USP6: variants seen among roughly 807,000 people sequenced by gnomAD.
USP6 encodes the protein ubiquitin specific peptidase 6.
Under a neutral mutation model 175.7 loss-of-function variants are expected in USP6, and 128 were observed. The observed-to-expected ratio is 0.73, with a 90% confidence interval of 0.63 to 0.84. The LOEUF is 0.84. Among genes scored for constraint, USP6 ranks in the 40% least tolerant of loss-of-function variants. The pLI, the probability that USP6 is intolerant of heterozygous loss-of-function variation, is 0.00. For missense variants in USP6, 1,498 were observed against 1,760.3 expected (o/e 0.85, Z 2.67); for synonymous variants, 562 against 630.6 (o/e 0.89, Z 1.63).
At position 5,132,190 on chromosome 17, in the gene USP6, C is replaced by T. The variant is rs1451546616; in HGVS notation, c.156-206C>T. ...GCCCCAGTAACCCCAGCCAGGCTGT[C>T]CCTGCACTCCTTCTTCTCCCAGGTC... On this transcript the variant is annotated intron_variant, in intron 11 of 37. Transcript: ENST00000574788. The surrounding 1 kb of genome is among the most constrained non-coding windows in gnomAD (Gnocchi z 4.7). 2.6e-6 allele frequency: 4 copies of T among 1,534,188 alleles called. No homozygotes were observed. Among genetic ancestry groups the T allele is most frequent in the Non-Finnish European group, 3.5e-6 (4 of 1,137,578 alleles).
At position 5,130,181 on chromosome 17, in the gene USP6, T is replaced by C. The variant is rs957439418; in HGVS notation, c.-2+92T>C. On this transcript the variant is annotated intron_variant, in intron 9 of 37. Transcript: ENST00000574788. ...TCCTTGGGAAGATGCCCACCCCTGCTTGGGGCTTCAGACTGCAGAGACCCA... is the reference window on the plus strand; with the variant it reads ...TCCTTGGGAAGATGCCCACCCCTGCCTGGGGCTTCAGACTGCAGAGACCCA... The C allele has an allele frequency of 1.4e-4, 86 of 600,884 alleles. 1 individual carries two copies. The Admixed American group carries it at 2.2e-3, about 15-fold the overall frequency. 37.2% of individuals were successfully genotyped at this position (600,884 alleles called of 1,614,324 possible).
rs761598047 is a variant in USP6, at chr17:5,170,574, G to A, written c.3613G>A (p.Gly1205Arg). 4.3e-6 allele frequency: 7 copies of A among 1,612,212 alleles called. No individual in the cohort carries two copies. The South Asian group carries it at 7.7e-5, about 18-fold the overall frequency. Residue 1205 changes from glycine (G) to arginine (R), a missense_variant, in exon 36 of 38, where the codon GGG becomes AGG. Physicochemically the swap from Gly to Arg is moderately radical, Grantham distance 125 (BLOSUM62 -2). This residue lies in a region of USP6 where 1,217 missense variants were observed against 1,500.8 expected (regional missense o/e 0.81). Coordinates refer to ENST00000574788, the MANE Select transcript of USP6 (RefSeq NM_001304284.2). ...SSPRTLGRSK[G>R]RLRLPQIGSK... is the part of the protein sequence containing the mutation. ...CCCACGGACTTTGGGGAGGAGCAAA[G>A]GGAGGCTCCGGCTGCCCCAGATTGG...
chr17:5,147,010 A>T, intron 28 of USP6, 73 bp from the exon 29 acceptor site: 1 of 1,402,506 alleles, frequency 7.1e-7, no homozygotes, highest in South Asian at 1.4e-5. Flanking sequence ...TTCTTTTGAA[A>T]TACATTAGAG....
intron 2 of USP6, among the ~76,000 whole-genome samples, chr17:5,119,387 CT>C (rs1381191753): frequency 6.6e-6 from 1 of 152,182 alleles, no homozygotes; most frequent in African/African-American, 2.4e-5. Flanking sequence ...AATAGGTGGG[CT>C]TTTATTTCAT....
Position 5,170,708 on chromosome 17 carries a change from G to T in USP6, c.3747G>T (p.Arg1249=). ...LADALSRGHM[R]GGSQPELVTP... The stretch of plus-strand genomic sequence containing the variant: ...ACGCCTTGAGCCGAGGGCATATGCG[G>T]GGGGGCAGCCAACCAGAGCTGGTCA... The change falls in exon 36 of 38, where the codon CGG becomes CGT. Residue 1249 remains arginine (R), a synonymous_variant. Coordinates refer to ENST00000574788, the MANE Select transcript of USP6 (RefSeq NM_001304284.2). The T allele has an allele frequency of 1.2e-6, 2 of 1,613,940 alleles. No individual in the cohort carries two copies. The highest frequency in any genetic ancestry group is 1.7e-6 in the Non-Finnish European group (2 of 1,179,856).
chr17:5,142,643 T>C (rs2143964811), intron 25 of USP6, 141 bp downstream of exon 25: 1 of 1,345,680 alleles, frequency 7.4e-7, no homozygotes, highest in Non-Finnish European at 9.8e-7. Context: ...AGAGGCCAAA[T>C]TCTTTTGCTT....
intron 31 of USP6, among the ~76,000 whole-genome samples, chr17:5,159,254 T>G (rs1380390846): frequency 2.6e-5 from 4 of 152,106 alleles, no homozygotes; most frequent in Non-Finnish European, 5.9e-5. Context: ...GATAGGAGGT[T>G]GTGGTTGCAA....
At chr17:5,130,759 G>A in intron 11 of USP6, 75 bp downstream of exon 11, 1 of 1,566,656 alleles carries the variant, frequency 6.4e-7, no homozygotes. Context: ...TTTTAGAAAG[G>A]CCTTTCTGAT....
At chr17:5,140,876 A>G (rs1306135815) in intron 22 of USP6, among the ~76,000 whole-genome samples, 1 of 152,140 alleles carries the variant, frequency 6.6e-6, no homozygotes, top group African/African-American at 2.4e-5. Flanking sequence ...GGTGTTCTGG[A>G]GAGCACCCTT....
At chr17:5,139,060 C>T in intron 21 of USP6, 195 bp from the exon 22 acceptor site, 1 of 1,588,810 alleles carries the variant, frequency 6.3e-7, no homozygotes, top group Non-Finnish European at 8.5e-7. Context: ...CCACCATGCC[C>T]CAACGGCTTC....
Position 5,173,518 on chromosome 17 carries a change from A to C in USP6, c.*540A>C, listed in dbSNP as rs1195236720. ...TCAATTTATTTTTTAAACTGTTTCC[A>C]TACCCTTTCTTTTTCTTGCTTTTTG... On this transcript the variant is annotated 3_prime_UTR_variant, in exon 38 of 38. Coordinates refer to ENST00000574788, the MANE Select transcript of USP6 (RefSeq NM_001304284.2). The C allele has an allele frequency of 4.5e-6, 1 of 220,258 alleles. No individual in the cohort carries two copies. Among genetic ancestry groups the C allele is most frequent in the East Asian group, 6.7e-5 (1 of 14,986 alleles). 13.6% of individuals were successfully genotyped at this position (220,258 alleles called of 1,614,324 possible).
intron 2 of USP6, among the ~76,000 whole-genome samples, chr17:5,119,766 CACT>C (rs2072609882): frequency 6.6e-6 from 1 of 152,270 alleles, no homozygotes; most frequent in African/African-American, 2.4e-5. Flanking sequence ...TTCTGCCCAG[CACT>C]ACAAGTGACT....
At chr17:5,139,220 A>C (rs1318871638) in intron 21 of USP6, 35 bp from the exon 22 acceptor site, 2 of 1,598,750 alleles carry the variant, frequency 1.3e-6, no homozygotes, top group Non-Finnish European at 8.5e-7. Flanking sequence ...GCATGGGCTC[A>C]CTGGAGATGC....
rs756850262 is a variant in USP6, at chr17:5,170,501, A to G, written c.3540A>G (p.Lys1180=). 3 of 1,609,776 alleles carry G rather than the reference A, an allele frequency of 1.9e-6. No homozygotes were observed. The East Asian group carries it at 6.7e-5, about 36-fold the overall frequency. ...CAGGTTCTCCTTCTTCATCAAGAAA[A>G]AGTGGAACCAGCTGTCCCTCCAGCA... is the stretch of plus-strand genomic sequence containing the variant. ...SPKGSPSSSR[K]SGTSCPSSKN... Residue 1180 remains lysine, a synonymous_variant, in exon 36 of 38, where the codon AAA becomes AAG. Coordinates refer to ENST00000574788, the MANE Select transcript of USP6 (RefSeq NM_001304284.2).
In USP6 at chr17:5,170,454, ATCTTT is replaced by A. The variant is rs1268265903; in HGVS notation, c.3518-20_3518-16del. The stretch of plus-strand genomic sequence containing the variant: ...TACTTTCTGGCATTTGGATTTGTGA[ATCTTT>A]TCTTCTGTCCTGTTCACAGGTTCTC... On this transcript the variant is annotated intron_variant, in intron 35 of 37. Transcript: ENST00000574788. 6.4e-7 allele frequency: 1 copy of A among 1,555,794 alleles called. No individual in the cohort carries two copies. The highest frequency in any genetic ancestry group is 1.2e-5 in the South Asian group (1 of 83,218).
At chr17:5,157,792 G>A (rs1388231389) in intron 31 of USP6, among the ~76,000 whole-genome samples, 9 of 152,138 alleles carry the variant, frequency 5.9e-5, no homozygotes, top group Middle Eastern at 3.4e-3. Context: ...CACCACACTC[G>A]GCTAATTTTT....
Position 5,144,687 on chromosome 17 carries a change from T to C in USP6, c.1819-3T>C. ...ATGACTGTGACTTCTCTTATATTTA[T>C]AGCGGACCATAGCAAAATATGCTCC... On this transcript the variant is annotated splice_region_variant and splice_polypyrimidine_tract_variant and intron_variant, in intron 25 of 37. Coordinates refer to ENST00000574788, the MANE Select transcript of USP6 (RefSeq NM_001304284.2). The C allele has an allele frequency of 6.2e-7, 1 of 1,613,504 alleles. No individual in the cohort carries two copies. The highest frequency in any genetic ancestry group is 8.5e-7 in the Non-Finnish European group (1 of 1,179,752).
intron 11 of USP6, among the ~76,000 whole-genome samples, chr17:5,131,448 G>A (rs1319684940): frequency 2.7e-5 from 4 of 149,844 alleles, no homozygotes; most frequent in Admixed American, 1.3e-4. Context: ...GTGTGGCTCG[G>A]GTATAGGGAG....
rs141863345 is a variant in USP6, at chr17:5,126,314, G to A, written c.-474+376G>A. ...GCAGATCCTCCCCAAAAGAGGCGTC[G>A]GTTTTTTATGGATCCTTGAGCCCAG... is the stretch of plus-strand genomic sequence containing the variant. On this transcript the variant is annotated intron_variant, in intron 6 of 37. Transcript: ENST00000574788. Among the ~76,000 whole-genome samples, 862 of 152,246 alleles carry A rather than the reference G, an allele frequency of 5.7e-3. 5 individuals are homozygous for A. The highest frequency in any genetic ancestry group is 8.6e-3 in the Non-Finnish European group (583 of 68,018).
Sources: allele counts gnomAD v4.1 joint callset (sites outside exome capture counted in the v4.1 genomes callset), GRCh38; gene constraint gnomAD v4.1.1; regional missense constraint gnomAD v4.1.1; non-coding constraint Gnocchi (gnomAD v3.1); transcripts MANE v1.5; gene names NCBI Gene and HGNC (gene_info 2026-07-23, HGNC 2026-07-21).